AATF: variants seen among roughly 807,000 people sequenced by gnomAD.
The protein encoded by AATF is apoptosis antagonizing transcription factor, also known as protein AATF.
AATF carries 48 observed loss-of-function variants against 63.7 expected under a neutral mutation model. The ratio of observed to expected loss-of-function variants is 0.75; its 90% CI spans 0.60 to 0.96. AATF has a LOEUF of 0.96. Among genes scored for constraint, AATF ranks in the 40% least tolerant of loss-of-function variants. AATF has a pLI of 0.00. For missense variants in AATF, 639 were observed against 685.7 expected, an observed-to-expected ratio of 0.93 and a Z score of 0.76; for synonymous variants, 258 against 247.7, an observed-to-expected ratio of 1.04 and a Z score of -0.39.
chr17:37,009,906 C>T (rs1450184214), intron 8 of AATF, among the ~76,000 whole-genome samples: 1 of 149,626 alleles, frequency 6.7e-6, no homozygotes, highest in Non-Finnish European at 1.5e-5. Flanking sequence ...GGTCATCTGG[C>T]CTATGTAAGA....
At chr17:36,957,233 A>T (rs1347095730) in intron 4 of AATF, among the ~76,000 whole-genome samples, 1 of 152,026 alleles carries the variant, frequency 6.6e-6, no homozygotes, top group Non-Finnish European at 1.5e-5. Flanking sequence ...CAAGTTACTT[A>T]ACTTCACAGT....
chr17:36,990,205 A>G (rs965373524), intron 7 of AATF, among the ~76,000 whole-genome samples: 6 of 152,188 alleles, frequency 3.9e-5, no homozygotes, highest in African/African-American at 1.2e-4. Context: ...TTAAAATCTA[A>G]TAAGTCCTAG....
At chr17:36,953,931 G>A (rs1268558313) in intron 4 of AATF, 24 bp downstream of exon 4, 1 of 1,608,896 alleles carries the variant, frequency 6.2e-7, no homozygotes, top group Non-Finnish European at 8.5e-7. Context: ...TGTCCTGTTG[G>A]AATACTTAGA....
In AATF at chr17:37,021,721, C is replaced by T. The variant is rs1306752839; in HGVS notation, c.1547+707C>T. On this transcript the variant is annotated intron_variant, in intron 10 of 11. Coordinates refer to ENST00000619387, the MANE Select transcript of AATF (RefSeq NM_012138.4). ...TCGGGAGGCTGAGGCAGGAGAATGGCGTGAACCCGGGAGGCGGAGCTTGCA... is the reference window on the plus strand; with the variant it reads ...TCGGGAGGCTGAGGCAGGAGAATGGTGTGAACCCGGGAGGCGGAGCTTGCA... 6.0e-5 allele frequency among the ~76,000 whole-genome samples: 5 copies of T among 82,884 alleles called. 2 individuals are homozygous for T. Among genetic ancestry groups the T allele is most frequent in the Non-Finnish European group, 1.1e-4 (5 of 47,168 alleles). The allele number at this position is 82,884 out of a possible 152,430, so 54.4% of individuals were successfully genotyped here.
chr17:36,949,086 TTTAC>T lies in AATF; in HGVS notation c.-39_-36del. 1 of 1,518,238 alleles carries T rather than the reference TTTAC, an allele frequency of 6.6e-7. No homozygotes were observed. Among genetic ancestry groups the T allele is most frequent in the East Asian group, 2.4e-5 (1 of 41,284 alleles). The allele number at this position is 1,518,238 out of a possible 1,614,324, so 94.0% of individuals were successfully genotyped here. A position where few individuals can be genotyped will look rare whatever the true frequency, so the allele number is the denominator to read the frequency against. ...TCGGGGCCGGGGGTTGGGCCGCACA[TTTAC>T]GTGCGCGAAGCGGAGTGGACCGGGA... On this transcript the variant is annotated 5_prime_UTR_variant, in exon 1 of 12. It adds an upstream start codon to the 5' untranslated region. Coordinates refer to ENST00000619387, the MANE Select transcript of AATF (RefSeq NM_012138.4).
At chr17:37,021,242 A>G (rs2071467664) in intron 10 of AATF, 6 of 431,900 alleles carry the variant, frequency 1.4e-5, no homozygotes, top group Middle Eastern at 5.8e-4. Flanking sequence ...GTGAAATAAT[A>G]TATGCATTCC....
chr17:36,980,833 G>A (rs1442267527), intron 4 of AATF, among the ~76,000 whole-genome samples: 1 of 150,206 alleles, frequency 6.7e-6, no homozygotes, highest in Non-Finnish European at 1.5e-5. Flanking sequence ...TAAGAATTGT[G>A]TTCTAAATCT....
At chr17:36,993,431 G>C (rs947725719) in intron 8 of AATF, among the ~76,000 whole-genome samples, 20 of 152,188 alleles carry the variant, frequency 1.3e-4, no homozygotes, top group African/African-American at 4.8e-4. Context: ...CTGCTGACCT[G>C]GTTAATTTCT....
chr17:37,026,752 A>G (rs1313457451), intron 10 of AATF, among the ~76,000 whole-genome samples: 2 of 152,216 alleles, frequency 1.3e-5, no homozygotes, highest in African/African-American at 4.8e-5. Context: ...CTGTTCTTCT[A>G]ATCTCTGGAT....
rs1031671127 is a variant in AATF at position 37,007,080 on chromosome 17, T to G, written c.1399-11925T>G. Among the ~76,000 whole-genome samples the G allele has an allele frequency of 3.3e-5, 5 of 152,320 alleles. No individual in the cohort carries two copies. In the East Asian group the frequency reaches 9.6e-4, roughly 29 times the overall value. On this transcript the variant is annotated intron_variant, in intron 8 of 11. Coordinates refer to ENST00000619387, the MANE Select transcript of AATF (RefSeq NM_012138.4). Reference sequence around the variant, plus strand: ...ATTTGCATAACCTGATTTCCTTTCATTCTTCCCTGTGTCATTCTGTAAATA... The same window carrying G: ...ATTTGCATAACCTGATTTCCTTTCAGTCTTCCCTGTGTCATTCTGTAAATA...
chr17:36,956,944 C>G (rs2070906051), intron 4 of AATF, among the ~76,000 whole-genome samples: 1 of 151,782 alleles, frequency 6.6e-6, no homozygotes, highest in Non-Finnish European at 1.5e-5. Context: ...CTAGTGCACT[C>G]TAGCCTGAGC....
intron 4 of AATF, among the ~76,000 whole-genome samples, chr17:36,974,537 T>G (rs1034433048): frequency 1.3e-5 from 2 of 152,200 alleles, no homozygotes; most frequent in African/African-American, 2.4e-5. Flanking sequence ...ATGCAAAATT[T>G]TAAGGCTTTT....
In AATF at chr17:36,948,991, G is replaced by A. The variant is rs560776579; in HGVS notation, c.-135G>A. Reference sequence around the variant, plus strand: ...AGTGGCCGGTCCAGAGCTGTGGGGTGGCCTCCGCGCGGTCTCTGGCGGAGT... The same window carrying A: ...AGTGGCCGGTCCAGAGCTGTGGGGTAGCCTCCGCGCGGTCTCTGGCGGAGT... On this transcript the variant is annotated 5_prime_UTR_variant, in exon 1 of 12. Transcript: ENST00000619387. The A allele has an allele frequency of 2.5e-6, 2 of 797,106 alleles. No individual in the cohort carries two copies. The highest frequency in any genetic ancestry group is 4.0e-6 in the Non-Finnish European group (2 of 500,024). The allele number at this position is 797,106 out of a possible 1,614,324, so 49.4% of individuals were successfully genotyped here.
rs1567974817 is a variant in AATF, at chr17:36,988,510, C to T, written c.948-9C>T. 1 of 1,613,306 alleles carries T rather than the reference C, an allele frequency of 6.2e-7. No individual in the cohort carries two copies. Among genetic ancestry groups the T allele is most frequent in the South Asian group, 1.1e-5 (1 of 90,972 alleles). ...TACACTGGACATAATATTCTTACTG[C>T]TTTTCTAGTGAGGAGATTTCTAGTG... On this transcript the variant is annotated splice_polypyrimidine_tract_variant and intron_variant, in intron 5 of 11. Coordinates refer to ENST00000619387, the MANE Select transcript of AATF (RefSeq NM_012138.4).
intron 10 of AATF, among the ~76,000 whole-genome samples, chr17:37,022,113 C>CGTGTGT (rs71159679): frequency 0.046 from 6,716 of 145,348 alleles, 286 homozygotes; most frequent in African/African-American, 0.12. Context: ...TGGTAACTGC[C>CGTGTGT]GTGTGTGTGT....
chr17:37,053,596 G>T (rs1313364464), intron 11 of AATF, among the ~76,000 whole-genome samples: 3 of 152,130 alleles, frequency 2.0e-5, no homozygotes, highest in South Asian at 4.1e-4. Flanking sequence ...AAAAGTTTAT[G>T]TGTGGCCCAC....
Position 36,949,224 on chromosome 17 carries a change from C to T in AATF, c.91+8C>T. 6.3e-7 allele frequency: 1 copy of T among 1,582,584 alleles called. No homozygotes were observed. Among genetic ancestry groups the T allele is most frequent in the Non-Finnish European group, 8.6e-7 (1 of 1,166,128 alleles). On this transcript the variant is annotated splice_region_variant and intron_variant, in intron 1 of 11. Coordinates refer to ENST00000619387, the MANE Select transcript of AATF (RefSeq NM_012138.4). Reference sequence around the variant, plus strand: ...AAGCGGACCCCGAGGAAGGTGAGGCCGGACTGGGGCAGGCCACGTGCGGAG... The same window carrying T: ...AAGCGGACCCCGAGGAAGGTGAGGCTGGACTGGGGCAGGCCACGTGCGGAG...
At position 36,949,028 on chromosome 17, in the gene AATF, A is replaced by C; in HGVS notation, c.-98A>C. On this transcript the variant is annotated 5_prime_UTR_variant, in exon 1 of 12. Transcript: ENST00000619387. ...GTCTCTGGCGGAGTCGGGGAATCGGATCAAGGCGAGAGGATCCGGCAGGGA... is the reference window on the plus strand; with the variant it reads ...GTCTCTGGCGGAGTCGGGGAATCGGCTCAAGGCGAGAGGATCCGGCAGGGA... The C allele has an allele frequency of 8.6e-7, 1 of 1,158,460 alleles. No individual in the cohort carries two copies. The highest frequency in any genetic ancestry group is 2.7e-5 in the East Asian group (1 of 37,536). 71.8% of individuals were successfully genotyped at this position (1,158,460 alleles called of 1,614,324 possible).
At chr17:37,020,097 G>A (rs2071458029) in intron 9 of AATF, among the ~76,000 whole-genome samples, 1 of 151,376 alleles carries the variant, frequency 6.6e-6, no homozygotes, top group African/African-American at 2.4e-5. Context: ...TTTCACTTTA[G>A]TTCATATGAG....
Sources: gnomAD v4.1 joint callset for allele counts (sites outside exome capture counted in the v4.1 genomes callset) on GRCh38, gnomAD v4.1.1 for gene constraint, MANE v1.5 for transcripts, NCBI Gene and HGNC (gene_info 2026-07-23, HGNC 2026-07-21) for gene names.